BBX: variants seen among roughly 807,000 people sequenced by gnomAD.
BBX encodes the protein HMG box transcription factor BBX.
Under a neutral mutation model 100.2 loss-of-function variants are expected in BBX, and 30 were observed. The ratio of observed to expected loss-of-function variants is 0.30; its 90% CI spans 0.22 to 0.41. BBX has a LOEUF of 0.41. BBX is among the 10% of genes least tolerant of loss of function. BBX has a pLI of 1.00. For synonymous variants in BBX, 376 were observed against 388.1 expected, an observed-to-expected ratio of 0.97 and a Z score of 0.37; for missense variants, 1,023 against 1,129.8, an observed-to-expected ratio of 0.91 and a Z score of 1.35.
At chr3:107,733,643 A>G (rs9873274) in intron 7 of BBX, among the ~76,000 whole-genome samples, 58,532 of 151,824 alleles carry the variant, frequency 0.39, 12,444 homozygotes, top group East Asian at 0.92. Context: ...AGCCCAGCTA[A>G]TTTTTGTATT....
chr3:107,715,720 C>T (rs532559677), intron 4 of BBX, among the ~76,000 whole-genome samples: 7 of 152,296 alleles, frequency 4.6e-5, no homozygotes, highest in South Asian at 2.1e-4. Flanking sequence ...AGATGAAAAA[C>T]GGGAAGACTA....
intron 12 of BBX, 43 bp from the exon 13 acceptor site, chr3:107,778,328 A>G: frequency 2.5e-6 from 4 of 1,603,586 alleles, no homozygotes; most frequent in Non-Finnish European, 3.4e-6. Flanking sequence ...TCTGTGTCAT[A>G]TTTGGTCATG....
rs532747362 is a variant in BBX, at chr3:107,554,102, A to G, written c.-84+27704A>G. Reference sequence around the variant, plus strand: ...ATCAAATGTTGATAGGAAATTGAATACGCGTGTAGAGAAGGTAAAGGGATT... The same window carrying G: ...ATCAAATGTTGATAGGAAATTGAATGCGCGTGTAGAGAAGGTAAAGGGATT... On this transcript the variant is annotated intron_variant, in intron 2 of 17. Transcript: ENST00000325805. 2.0e-5 allele frequency among the ~76,000 whole-genome samples: 3 copies of G among 152,330 alleles called. No homozygotes were observed. The East Asian group carries it at 5.8e-4, about 29-fold the overall frequency.
chr3:107,656,399 C>G (rs2058145967), intron 3 of BBX, among the ~76,000 whole-genome samples: 2 of 152,098 alleles, frequency 1.3e-5, no homozygotes, highest in Non-Finnish European at 2.9e-5. Context: ...CTTCTAAAAG[C>G]TGCTTCTTAT....
chr3:107,797,566 A>C (rs1468137546), intron 15 of BBX, among the ~76,000 whole-genome samples: 1 of 151,744 alleles, frequency 6.6e-6, no homozygotes, highest in Non-Finnish European at 1.5e-5. Flanking sequence ...GGGTCACTGG[A>C]ATTTCTTTAA....
At chr3:107,650,696 A>T (rs899131544) in intron 3 of BBX, among the ~76,000 whole-genome samples, 3 of 152,174 alleles carry the variant, frequency 2.0e-5, no homozygotes, top group Admixed American at 6.5e-5. Context: ...TGTAACTATT[A>T]GTTGCTTATT....
intron 3 of BBX, among the ~76,000 whole-genome samples, chr3:107,696,218 T>G (rs1196877000): frequency 2.6e-5 from 4 of 151,890 alleles, no homozygotes; most frequent in Non-Finnish European, 5.9e-5. Context: ...TATTGTTATG[T>G]GTGAATTTGA....
intron 15 of BBX, among the ~76,000 whole-genome samples, chr3:107,795,154 T>C (rs2069488088): frequency 6.6e-6 from 1 of 152,234 alleles, no homozygotes; most frequent in South Asian, 2.1e-4. Flanking sequence ...AGGAACTAGC[T>C]TGCTATCTTT....
intron 10 of BBX, 24 bp from the exon 11 acceptor site, chr3:107,772,604 T>A: frequency 6.5e-7 from 1 of 1,543,060 alleles, no homozygotes; most frequent in Non-Finnish European, 8.7e-7. Context: ...TCGGGTGCTC[T>A]CCCATTTTGT....
At chr3:107,785,985 G>A (rs1477404424) in intron 13 of BBX, among the ~76,000 whole-genome samples, 1 of 151,966 alleles carries the variant, frequency 6.6e-6, no homozygotes, top group African/African-American at 2.4e-5. Context: ...TAGAGCTGCA[G>A]GTTATAAGGT....
In BBX at chr3:107,791,224, CTGTCATTG is replaced by C. The variant is rs754406376; in HGVS notation, c.2294-14_2294-7del. 4 of 1,609,504 alleles carry C rather than the reference CTGTCATTG, an allele frequency of 2.5e-6. No individual in the cohort carries two copies. The highest frequency in any genetic ancestry group is 3.4e-6 in the Non-Finnish European group (4 of 1,176,592). On this transcript the variant is annotated splice_polypyrimidine_tract_variant and splice_region_variant and intron_variant, in intron 14 of 17. Transcript: ENST00000325805. Reference sequence around the variant, plus strand: ...TAGAGTTTCACTTTTCTTTCCTTTTCTGTCATTGTTTTTAGGAAGTGGGGATAAATGGT... The same window carrying C: ...TAGAGTTTCACTTTTCTTTCCTTTTCTTTTTAGGAAGTGGGGATAAATGGT...
chr3:107,552,628 GT>G (rs1194034302), intron 2 of BBX, among the ~76,000 whole-genome samples: 1 of 152,146 alleles, frequency 6.6e-6, no homozygotes, highest in Non-Finnish European at 1.5e-5. Flanking sequence ...GTGAAATCAA[GT>G]GACTTCTCTA....
intron 2 of BBX, among the ~76,000 whole-genome samples, chr3:107,574,563 T>C (rs1387093146): frequency 6.6e-6 from 1 of 152,168 alleles, no homozygotes; most frequent in African/African-American, 2.4e-5. Context: ...AAACACTCAA[T>C]TCGTTGAAAT....
intron 5 of BBX, among the ~76,000 whole-genome samples, chr3:107,720,056 T>TA (rs1388730562): frequency 6.6e-6 from 1 of 152,016 alleles, no homozygotes; most frequent in African/African-American, 2.4e-5. Context: ...TGTGTGCATT[T>TA]ATTGATTGAT....
At chr3:107,651,101 C>G (rs1216218219) in intron 3 of BBX, among the ~76,000 whole-genome samples, 4 of 152,166 alleles carry the variant, frequency 2.6e-5, no homozygotes, top group African/African-American at 7.2e-5. Flanking sequence ...TAGGCCCTGT[C>G]CCATCACATT....
chr3:107,777,444 G>A (rs2067414838), intron 12 of BBX, among the ~76,000 whole-genome samples: 1 of 152,140 alleles, frequency 6.6e-6, no homozygotes, highest in Non-Finnish European at 1.5e-5. Context: ...TTATAAGCTG[G>A]TACTAAAATT....
chr3:107,672,778 G>T (rs2059085651), intron 3 of BBX, among the ~76,000 whole-genome samples: 1 of 152,048 alleles, frequency 6.6e-6, no homozygotes, highest in Admixed American at 6.6e-5. Flanking sequence ...TTTGAATGTG[G>T]AATGACTGTT....
intron 2 of BBX, among the ~76,000 whole-genome samples, chr3:107,565,662 G>A (rs955755942): frequency 3.3e-5 from 5 of 151,380 alleles, no homozygotes; most frequent in African/African-American, 1.2e-4. Context: ...TAGAGATGGG[G>A]TTTCACCATC....
At chr3:107,700,156 G>A (rs2060931263) in intron 3 of BBX, among the ~76,000 whole-genome samples, 1 of 151,840 alleles carries the variant, frequency 6.6e-6, no homozygotes, top group African/African-American at 2.4e-5. Context: ...ATTGTGTATA[G>A]ACTGAAGGAG....
Sources: gnomAD v4.1 joint callset for allele counts (sites outside exome capture counted in the v4.1 genomes callset) on GRCh38, gnomAD v4.1.1 for gene constraint, MANE v1.5 for transcripts, NCBI Gene and HGNC (gene_info 2026-07-23, HGNC 2026-07-21) for gene names.